Variants in EYS observed in about 807,000 individuals in gnomAD.
The protein encoded by EYS is protein eyes shut homolog.
Under a neutral mutation model 282.1 loss-of-function variants are expected in EYS, and 250 were observed. The ratio of observed to expected loss-of-function variants is 0.89; its 90% CI spans 0.80 to 0.98. The LOEUF is 0.98. Ranked by LOEUF, EYS falls within the 50% of genes least tolerant of loss-of-function variation. EYS has a pLI of 0.00. For synonymous variants in EYS, 1,355 were observed against 1,282.9 expected (o/e 1.06, Z -1.20); for missense variants, 4,016 against 3,709.0 (o/e 1.08, Z -2.15).
Position 63,970,301 on chromosome 6 carries a change from C to A in EYS, c.7055+14082G>T, listed in dbSNP as rs189199949. ...AAGGCGTCCTGTGCTGCTGCACTGG[C>A]CCCATGTCCATGAAGCTGGCCATGG... is the stretch of plus-strand genomic sequence containing the variant. On this transcript the variant is annotated intron_variant, in intron 35 of 42. Transcript: ENST00000503581. Among the ~76,000 whole-genome samples, 112 of 152,334 alleles carry A rather than the reference C, an allele frequency of 7.4e-4. 1 individual carries two copies. The East Asian group carries it at 0.019, about 25-fold the overall frequency.
intron 1 of EYS, among the ~76,000 whole-genome samples, chr6:65,695,770 A>G (rs1769429534): frequency 6.6e-6 from 1 of 152,014 alleles, no homozygotes; most frequent in Admixed American, 6.6e-5. Flanking sequence ...TGACTTTTAT[A>G]GAAAACTATC....
intron 22 of EYS, among the ~76,000 whole-genome samples, chr6:64,719,538 C>G (rs34833872): frequency 3.3e-5 from 5 of 152,094 alleles, no homozygotes; most frequent in African/African-American, 1.2e-4. Context: ...AGAAAAATTC[C>G]TGAGAGAGAA....
In EYS at chr6:64,950,796, T is replaced by C. The variant is rs569286026; in HGVS notation, c.2260-4882A>G. Among the ~76,000 whole-genome samples the C allele has an allele frequency of 6.3e-3, 498 of 78,640 alleles. 4 individuals are homozygous for C. Among genetic ancestry groups the C allele is most frequent in the African/African-American group, 0.025 (469 of 18,404 alleles). The allele number at this position is 78,640 out of a possible 152,430, so 51.6% of individuals were successfully genotyped here. On this transcript the variant is annotated intron_variant, in intron 14 of 42. Coordinates refer to ENST00000503581, the MANE Select transcript of EYS (RefSeq NM_001142800.2). ...TAAAAAATATATACACATATACATA[T>C]ACATATATATATATATATATATATA... is the stretch of plus-strand genomic sequence containing the variant.
chr6:64,296,580 ATATACATATATATATATATTT>A (rs1769018433), intron 30 of EYS, among the ~76,000 whole-genome samples: 2 of 6,126 alleles, frequency 3.3e-4, no homozygotes, highest in African/African-American at 2.3e-3. Context: ...ATATATATAT[ATATACATATATATATATATTT>A]TTTTTTTTTT....
intron 12 of EYS, among the ~76,000 whole-genome samples, chr6:65,176,151 C>T (rs1581983552): frequency 6.6e-6 from 1 of 151,558 alleles, no homozygotes; most frequent in South Asian, 2.1e-4. Flanking sequence ...GAATTGTTAA[C>T]TATATTCTCA....
At chr6:65,638,731 C>G (rs1767176849) in intron 2 of EYS, among the ~76,000 whole-genome samples, 2 of 152,230 alleles carry the variant, frequency 1.3e-5, no homozygotes, top group Non-Finnish European at 2.9e-5. Flanking sequence ...CTCACTTTCT[C>G]ACATATCCCT....
chr6:65,541,726 T>C (rs1482502251), intron 2 of EYS, among the ~76,000 whole-genome samples: 2 of 152,064 alleles, frequency 1.3e-5, no homozygotes, highest in Non-Finnish European at 2.9e-5. Flanking sequence ...GTGTATTTAT[T>C]AGAAACTATG....
At chr6:65,050,314 TA>T (rs1257094067) in intron 13 of EYS, among the ~76,000 whole-genome samples, 1 of 151,582 alleles carries the variant, frequency 6.6e-6, no homozygotes. Flanking sequence ...ATACTGCTAA[TA>T]AAAACCAATA....
At chr6:64,424,648 C>T (rs1395864384) in intron 28 of EYS, among the ~76,000 whole-genome samples, 3 of 152,126 alleles carry the variant, frequency 2.0e-5, no homozygotes, top group Non-Finnish European at 2.9e-5. Flanking sequence ...ACCTGCCCAC[C>T]GTTGAATCTC....
intron 2 of EYS, among the ~76,000 whole-genome samples, chr6:65,569,439 C>T (rs1171782196): frequency 6.6e-6 from 1 of 152,150 alleles, no homozygotes; most frequent in Non-Finnish European, 1.5e-5. Context: ...GAAAACAAAT[C>T]TTCTTCTTGC....
At chr6:64,823,901 A>G (rs186452778) in intron 19 of EYS, among the ~76,000 whole-genome samples, 8 of 152,088 alleles carry the variant, frequency 5.3e-5, no homozygotes, top group Admixed American at 3.9e-4. Context: ...TCTTGTAGCC[A>G]ATACATAATA....
chr6:64,559,587 T>C (rs1197042726), intron 26 of EYS, among the ~76,000 whole-genome samples: 1 of 152,094 alleles, frequency 6.6e-6, no homozygotes, highest in Non-Finnish European at 1.5e-5. Context: ...AAAGTTTTCC[T>C]ATATGATGTA....
At chr6:65,621,632 C>A (rs181137856) in intron 2 of EYS, among the ~76,000 whole-genome samples, 3 of 151,496 alleles carry the variant, frequency 2.0e-5, no homozygotes, top group African/African-American at 7.3e-5. Flanking sequence ...TTAGTTAATG[C>A]AGTTTCTTCC....
chr6:64,387,039 T>G (rs1467311572), intron 29 of EYS, among the ~76,000 whole-genome samples: 1 of 152,164 alleles, frequency 6.6e-6, no homozygotes, highest in Non-Finnish European at 1.5e-5. Flanking sequence ...TAGGATTAAT[T>G]ATTCTCTGGC....
At chr6:64,349,706 T>C (rs552849491) in intron 29 of EYS, among the ~76,000 whole-genome samples, 223 of 151,490 alleles carry the variant, frequency 1.5e-3, no homozygotes, top group African/African-American at 5.1e-3. Flanking sequence ...GCAAAGAAAC[T>C]CCTCAAGAAA....
In EYS at chr6:65,094,624, T is replaced by C. The variant is rs932047027; in HGVS notation, c.2024-36897A>G. On this transcript the variant is annotated intron_variant, in intron 12 of 42. Transcript: ENST00000503581. ...AAATGATACAATCTTGAACCTACAA[T>C]GGTCAAAAAAGAAATCAAAATAGAA... 5.7e-4 allele frequency among the ~76,000 whole-genome samples: 86 copies of C among 151,164 alleles called. 1 individual carries two copies. Among genetic ancestry groups the C allele is most frequent in the African/African-American group, 2.0e-3 (84 of 41,410 alleles).
intron 26 of EYS, among the ~76,000 whole-genome samples, chr6:64,476,878 G>A (rs754003129): frequency 6.6e-6 from 1 of 152,102 alleles, no homozygotes; most frequent in East Asian, 1.9e-4. Context: ...GTTTCTCATC[G>A]ACTTGATGTT....
chr6:64,171,522 A>G (rs2150307072), intron 31 of EYS, among the ~76,000 whole-genome samples: 1 of 152,306 alleles, frequency 6.6e-6, no homozygotes, highest in East Asian at 1.9e-4. Context: ...CTGATCTAGA[A>G]TGTACTTACT....
intron 26 of EYS, among the ~76,000 whole-genome samples, chr6:64,498,627 C>T (rs1488569084): frequency 1.3e-5 from 2 of 151,952 alleles, no homozygotes; most frequent in Non-Finnish European, 2.9e-5. Flanking sequence ...TCCCCTTTCC[C>T]CCCACCCACC....
Sources: allele counts gnomAD v4.1 joint callset (sites outside exome capture counted in the v4.1 genomes callset), GRCh38; gene constraint gnomAD v4.1.1; transcripts MANE v1.5; gene names NCBI Gene and HGNC (gene_info 2026-07-23, HGNC 2026-07-21).